DNAH2: variants seen among roughly 807,000 people sequenced by gnomAD.
DNAH2 encodes dynein axonemal heavy chain 2.
Under a neutral mutation model 523.5 loss-of-function variants are expected in DNAH2, and 323 were observed. The ratio of observed to expected loss-of-function variants is 0.62; its 90% CI spans 0.56 to 0.68. The LOEUF (loss-of-function observed/expected upper bound fraction) is 0.68, where lower values mean the gene tolerates loss of function less well. Ranked by LOEUF, DNAH2 falls within the 30% of genes least tolerant of loss-of-function variation. The pLI, the probability that DNAH2 is intolerant of heterozygous loss-of-function variation, is 0.00. For missense variants in DNAH2, 4,907 were observed against 5,701.5 expected, an observed-to-expected ratio of 0.86 and a Z score of 4.49; for synonymous variants, 2,093 against 2,177.4, an observed-to-expected ratio of 0.96 and a Z score of 1.08.
intron 63 of DNAH2, among the ~76,000 whole-genome samples, chr17:7,811,546 T>TA (rs71159527): frequency 0.52 from 79,306 of 152,062 alleles, 21,918 homozygotes; most frequent in East Asian, 0.65. Flanking sequence ...ATTGATATCT[T>TA]ACAGTTCCGA....
intron 56 of DNAH2, among the ~76,000 whole-genome samples, chr17:7,800,575 A>AT (rs994470904): frequency 8.3e-4 from 125 of 150,384 alleles, no homozygotes; most frequent in Non-Finnish European, 1.6e-3. Flanking sequence ...TACCTTAAAA[A>AT]TTTTTTTTTG....
chr17:7,776,191 C>T (rs1160368071), intron 31 of DNAH2, 42 bp downstream of exon 31: 3 of 1,600,512 alleles, frequency 1.9e-6, no homozygotes, highest in Admixed American at 3.4e-5. Flanking sequence ...AGGGGCTGGG[C>T]ACGGTGGCTC....
In DNAH2 at chr17:7,776,021, C is replaced by CA. The variant is rs1235315059; in HGVS notation, c.4822-2dup. 2 of 1,613,662 alleles carry CA rather than the reference C, an allele frequency of 1.2e-6. No homozygotes were observed. The highest frequency in any genetic ancestry group is 1.7e-5 in the Admixed American group (1 of 59,996). On this transcript the variant is annotated splice_region_variant and splice_polypyrimidine_tract_variant and intron_variant, in intron 30 of 85. Coordinates refer to ENST00000572933, the MANE Select transcript of DNAH2 (RefSeq NM_020877.5). ...GCTGCCCTATTCTCCCACCTCCCCC[C>CA]AGTCCTGGCTTGGCGATGTGGAACA... is the stretch of plus-strand genomic sequence containing the variant.
At position 7,767,848 on chromosome 17, in the gene DNAH2, G is replaced by A. The variant is rs1041744007; in HGVS notation, c.3676-52G>A. 8.7e-6 allele frequency: 14 copies of A among 1,610,642 alleles called. No individual in the cohort carries two copies. In the African/African-American group the frequency reaches 1.6e-4, roughly 18 times the overall value. On this transcript the variant is annotated intron_variant, in intron 22 of 85. Coordinates refer to ENST00000572933, the MANE Select transcript of DNAH2 (RefSeq NM_020877.5). The stretch of plus-strand genomic sequence containing the variant: ...CAGCGAAGGGCCTGGGCGTCCGTCA[G>A]GGAGGAAGAGGGCAGGTGCCACTTC...
At chr17:7,801,231 G>A (rs997211861) in intron 56 of DNAH2, among the ~76,000 whole-genome samples, 2 of 152,044 alleles carry the variant, frequency 1.3e-5, no homozygotes, top group African/African-American at 4.8e-5. Flanking sequence ...CAGGCGCTAC[G>A]CTGAGCTTTT....
intron 22 of DNAH2, among the ~76,000 whole-genome samples, chr17:7,767,666 TGA>T (rs1041628994): frequency 6.6e-6 from 1 of 151,108 alleles, no homozygotes; most frequent in Non-Finnish European, 1.5e-5. Flanking sequence ...GGCATCCCAC[TGA>T]GGTTTTGATT....
rs750945827 is a variant in DNAH2, at chr17:7,788,097, G to T, written c.6753G>T (p.Glu2251Asp). The change falls in exon 44 of 86, where the codon GAG becomes GAT. Residue 2251 changes from glutamate (E) to aspartate (D), a missense_variant. By Grantham distance (45) the Glu-to-Asp change is conservative. This residue lies in a region of DNAH2 where 2,806 missense variants were observed against 3,190.8 expected (regional missense o/e 0.88). Transcript: ENST00000572933. Reference protein sequence around the residue: ...WLEKRPKAEVEPLQRMFEKLI... With the variant: ...WLEKRPKAEVDPLQRMFEKLI... ...TTATTCAACTCCAGGCTGAGGTGGA[G>T]CCCCTTCAACGCATGTTCGAAAAGC... The T allele has an allele frequency of 1.9e-6, 3 of 1,614,242 alleles. No individual in the cohort carries two copies. The highest frequency in any genetic ancestry group is 2.2e-5 in the South Asian group (2 of 91,088).
At chr17:7,778,499 C>A in intron 35 of DNAH2, 30 bp downstream of exon 35, 1 of 1,576,172 alleles carries the variant, frequency 6.3e-7, no homozygotes, top group Non-Finnish European at 8.6e-7. Context: ...GTGCCAGAAG[C>A]CCCTTAAATA....
chr17:7,736,267 G>A (rs2075139822), intron 7 of DNAH2, among the ~76,000 whole-genome samples: 1 of 152,164 alleles, frequency 6.6e-6, no homozygotes, highest in African/African-American at 2.4e-5. Context: ...GTAGAATACA[G>A]ATAGAAGACC....
At chr17:7,730,001 A>C (rs376979757) in intron 4 of DNAH2, among the ~76,000 whole-genome samples, 1 of 152,336 alleles carries the variant, frequency 6.6e-6, no homozygotes, top group East Asian at 1.9e-4. Context: ...GGTAACTGCA[A>C]GTGCATTACA....
intron 2 of DNAH2, among the ~76,000 whole-genome samples, chr17:7,720,295 C>CT (rs2074561084): frequency 1.3e-5 from 2 of 152,184 alleles, no homozygotes; most frequent in African/African-American, 4.8e-5. Context: ...TTAAGCCCAT[C>CT]ACCATGGAGA....
chr17:7,799,361 A>G, intron 56 of DNAH2, 119 bp downstream of exon 56: 1 of 1,389,618 alleles, frequency 7.2e-7, no homozygotes, highest in Non-Finnish European at 9.8e-7. Context: ...TGCCCGCCTC[A>G]CCCATCTCCT....
At chr17:7,771,300 G>C (rs747181455) in intron 27 of DNAH2, 30 bp from the exon 28 acceptor site, 1 of 1,613,768 alleles carries the variant, frequency 6.2e-7, no homozygotes, top group Non-Finnish European at 8.5e-7. Context: ...GTAAGAAGTG[G>C]CCTCTCACCC....
chr17:7,770,407 T>C lies in DNAH2; in HGVS notation c.4097T>C (p.Val1366Ala). Reference protein sequence around the residue: ...ASATKELAIEVALQNIAKTWD... With the variant: ...ASATKELAIEAALQNIAKTWD... ...GCAACTAAAGAGCTGGCTATAGAAG[T>C]GGTACGACAGTCCCCTCCCATGCTC... is the stretch of plus-strand genomic sequence containing the variant. The change falls in exon 25 of 86, where the codon GTG (valine) becomes GCG (alanine). Residue 1366 changes from valine (V) to alanine (A), a missense_variant and splice_region_variant. Val to Ala is a moderately conservative substitution (Grantham distance 64, BLOSUM62 0). Transcript: ENST00000572933. 1 of 1,612,146 alleles carries C rather than the reference T, an allele frequency of 6.2e-7. No individual in the cohort carries two copies. The highest frequency in any genetic ancestry group is 8.5e-7 in the Non-Finnish European group (1 of 1,178,996).
intron 39 of DNAH2, among the ~76,000 whole-genome samples, chr17:7,781,434 T>C (rs919379147): frequency 2.0e-5 from 3 of 152,092 alleles, no homozygotes; most frequent in African/African-American, 7.2e-5. Flanking sequence ...GCTGAGATTG[T>C]GCCTCTGCAC....
At chr17:7,771,837 C>T (rs1024863414) in intron 28 of DNAH2, among the ~76,000 whole-genome samples, 2 of 152,060 alleles carry the variant, frequency 1.3e-5, no homozygotes, top group African/African-American at 4.8e-5. Flanking sequence ...CTGCTTCAGC[C>T]TCCCAAGTAG....
At chr17:7,732,858 A>G (rs2075028472) in intron 4 of DNAH2, among the ~76,000 whole-genome samples, 1 of 152,170 alleles carries the variant, frequency 6.6e-6, no homozygotes, top group African/African-American at 2.4e-5. Flanking sequence ...GCCTAGTTGG[A>G]CAAAATGTAC....
In DNAH2 at chr17:7,818,685, C is replaced by A; in HGVS notation, c.10579C>A (p.Arg3527=). Residue 3527 remains arginine (R), a synonymous_variant, in exon 70 of 86, where the codon CGG becomes AGG. Transcript: ENST00000572933. The part of the protein sequence containing the change: ...QLLGIVVRKE[R]PELEEQKDSL... Reference sequence around the variant, plus strand: ...GCTGGGCATTGTGGTGCGGAAGGAGCGGCCTGAGCTGGAGGAGCAGAAGGA... The same window carrying A: ...GCTGGGCATTGTGGTGCGGAAGGAGAGGCCTGAGCTGGAGGAGCAGAAGGA... 6.2e-7 allele frequency: 1 copy of A among 1,614,016 alleles called. No individual in the cohort carries two copies. The highest frequency in any genetic ancestry group is 2.2e-5 in the East Asian group (1 of 44,860).
chr17:7,794,327 G>A lies in DNAH2; in HGVS notation c.7643G>A (p.Arg2548His), dbSNP rs11656500. Residue 2548 changes from arginine (R) to histidine (H), a missense_variant, in exon 49 of 86, where the codon CGC becomes CAC. By Grantham distance (29) the Arg-to-His change is conservative. Transcript: ENST00000572933. ...GTCATCTCCCCAAGGCTACGGAGTC[G>A]CTTCAACATTATCAACATGACCTTC... ...RTVISPRLRS[R>H]FNIINMTFPT... The A allele has an allele frequency of 6.4e-3, 10,278 of 1,609,650 alleles. 41 individuals carry two copies. The highest frequency in any genetic ancestry group is 7.7e-3 in the Non-Finnish European group (9,041 of 1,178,130).
Sources: gnomAD v4.1 joint callset for allele counts (sites outside exome capture counted in the v4.1 genomes callset) on GRCh38, gnomAD v4.1.1 for gene constraint, gnomAD v4.1.1 regional missense constraint, MANE v1.5 for transcripts, NCBI Gene and HGNC (gene_info 2026-07-23, HGNC 2026-07-21) for gene names.